SCFD2: variants seen among roughly 807,000 people sequenced by gnomAD.
SCFD2 encodes sec1 family domain-containing protein 2.
Under a neutral mutation model 58.9 loss-of-function variants are expected in SCFD2, and 54 were observed. That is an observed-to-expected ratio of 0.92 (90% CI 0.74 to 1.15). The LOEUF (loss-of-function observed/expected upper bound fraction) is 1.15, where lower values mean the gene tolerates loss of function less well. SCFD2 is among the 50% of genes most tolerant of loss of function. The pLI, the probability that SCFD2 is intolerant of heterozygous loss-of-function variation, is 0.00. For missense variants in SCFD2, 805 were observed against 836.6 expected (o/e 0.96, Z 0.47); for synonymous variants, 321 against 335.9 (o/e 0.96, Z 0.49).
intron 5 of SCFD2, among the ~76,000 whole-genome samples, chr4:53,055,670 A>T (rs1435994062): frequency 6.6e-6 from 1 of 152,180 alleles, no homozygotes; most frequent in East Asian, 1.9e-4. Context: ...GAGAAAAAAG[A>T]ATGAAACAGG....
chr4:53,340,082 C>G (rs759756211), intron 2 of SCFD2, among the ~76,000 whole-genome samples: 1 of 152,042 alleles, frequency 6.6e-6, no homozygotes, highest in African/African-American at 2.4e-5. Flanking sequence ...ACTGAGGTAC[C>G]GGGTTCATCT....
At chr4:53,295,836 T>G (rs1325567260) in intron 3 of SCFD2, among the ~76,000 whole-genome samples, 1 of 152,232 alleles carries the variant, frequency 6.6e-6, no homozygotes, top group Non-Finnish European at 1.5e-5. Flanking sequence ...ATTGAGAGTT[T>G]TTAGCATGAA....
At chr4:53,213,034 A>G (rs528173454) in intron 4 of SCFD2, among the ~76,000 whole-genome samples, 5 of 152,222 alleles carry the variant, frequency 3.3e-5, no homozygotes, top group South Asian at 2.1e-4. Context: ...ATATGGAAAC[A>G]CTACTGTAAT....
chr4:53,266,055 C>T (rs189606873), intron 4 of SCFD2, among the ~76,000 whole-genome samples: 12 of 152,182 alleles, frequency 7.9e-5, no homozygotes, highest in Admixed American at 3.9e-4. Flanking sequence ...GGAAAAAAAG[C>T]TTTTTTCTTG....
At chr4:53,295,570 A>G (rs1470679550) in intron 3 of SCFD2, among the ~76,000 whole-genome samples, 1 of 152,214 alleles carries the variant, frequency 6.6e-6, no homozygotes, top group Non-Finnish European at 1.5e-5. Context: ...ATATACAATC[A>G]TGTCATCTGC....
At chr4:53,308,447 C>G (rs1249452794) in intron 3 of SCFD2, among the ~76,000 whole-genome samples, 1 of 152,044 alleles carries the variant, frequency 6.6e-6, no homozygotes, top group Non-Finnish European at 1.5e-5. Context: ...GGGCAGTCTC[C>G]CCATCTCCCC....
intron 4 of SCFD2, among the ~76,000 whole-genome samples, chr4:53,215,545 G>A (rs1185105462): frequency 6.6e-6 from 1 of 152,090 alleles, no homozygotes; most frequent in African/African-American, 2.4e-5. Flanking sequence ...GAGATTTTGG[G>A]CTGAGATGAT....
chr4:53,054,536 A>AT (rs1723269419), intron 5 of SCFD2, among the ~76,000 whole-genome samples: 1 of 152,154 alleles, frequency 6.6e-6, no homozygotes, highest in South Asian at 2.1e-4. Flanking sequence ...ACAAGAGGAC[A>AT]TTTTAACTAA....
At chr4:52,900,785 C>T (rs1353615952) in intron 7 of SCFD2, among the ~76,000 whole-genome samples, 1 of 152,194 alleles carries the variant, frequency 6.6e-6, no homozygotes, top group Non-Finnish European at 1.5e-5. Flanking sequence ...GTGGTGGGCT[C>T]CTCCCAGTTC....
chr4:52,969,901 A>G (rs1351629216), intron 5 of SCFD2, among the ~76,000 whole-genome samples: 1 of 152,244 alleles, frequency 6.6e-6, no homozygotes, highest in African/African-American at 2.4e-5. Context: ...CTGGAAGACA[A>G]CATGCAAAAA....
At chr4:53,076,653 GAGGA>G (rs535925863) in intron 5 of SCFD2, among the ~76,000 whole-genome samples, 10 of 152,154 alleles carry the variant, frequency 6.6e-5, no homozygotes, top group Non-Finnish European at 1.2e-4. Flanking sequence ...TAAAAGCTGT[GAGGA>G]AAAAAGGACC....
intron 3 of SCFD2, among the ~76,000 whole-genome samples, chr4:53,289,366 C>T (rs1199957551): frequency 6.6e-6 from 1 of 152,028 alleles, no homozygotes; most frequent in Non-Finnish European, 1.5e-5. Flanking sequence ...AACTCAGTCT[C>T]AAAAACAAAC....
intron 3 of SCFD2, among the ~76,000 whole-genome samples, chr4:53,290,943 T>C (rs1313039958): frequency 6.6e-6 from 1 of 152,054 alleles, no homozygotes; most frequent in Non-Finnish European, 1.5e-5. Flanking sequence ...ATAAAGAGAC[T>C]GAAACAAAAT....
chr4:53,060,836 A>G (rs1723489325), intron 5 of SCFD2, among the ~76,000 whole-genome samples: 1 of 152,202 alleles, frequency 6.6e-6, no homozygotes, highest in South Asian at 2.1e-4. Context: ...GATAAAATCC[A>G]TATCAACAAA....
intron 7 of SCFD2, among the ~76,000 whole-genome samples, chr4:52,891,099 G>A (rs924730371): frequency 3.3e-5 from 5 of 152,146 alleles, no homozygotes; most frequent in African/African-American, 1.2e-4. Context: ...TGACACTGAA[G>A]TTGGGCCTTG....
At chr4:53,146,489 C>A (rs1484337564) in intron 4 of SCFD2, among the ~76,000 whole-genome samples, 1 of 152,162 alleles carries the variant, frequency 6.6e-6, no homozygotes, top group Non-Finnish European at 1.5e-5. Context: ...CAAATTAATA[C>A]AACTTGCAAC....
intron 7 of SCFD2, among the ~76,000 whole-genome samples, chr4:52,889,783 C>A (rs1718838748): frequency 6.6e-6 from 1 of 152,224 alleles, no homozygotes; most frequent in Non-Finnish European, 1.5e-5. Context: ...ATAACCTACT[C>A]CTGTCACTAC....
At chr4:53,325,176 GAT>G (rs1491247481) in intron 2 of SCFD2, among the ~76,000 whole-genome samples, 2 of 93,766 alleles carry the variant, frequency 2.1e-5, no homozygotes, top group Admixed American at 1.1e-4. Flanking sequence ...AATTACTACA[GAT>G]GTGTGTGTGT....
intron 4 of SCFD2, among the ~76,000 whole-genome samples, chr4:53,177,964 CG>C (rs936548900): frequency 6.6e-6 from 1 of 152,166 alleles, no homozygotes; most frequent in African/African-American, 2.4e-5. Context: ...GAGGGGCGCC[CG>C]CCATTTTCGG....
Sources: gnomAD v4.1 joint callset for allele counts (sites outside exome capture counted in the v4.1 genomes callset) on GRCh38, gnomAD v4.1.1 for gene constraint, MANE v1.5 for transcripts, NCBI Gene and HGNC (gene_info 2026-07-23, HGNC 2026-07-21) for gene names.